The following DCBLD2 variants were observed in gnomAD, a reference collection of about 807,000 sequenced individuals.
DCBLD2 encodes the protein discoidin, CUB and LCCL domain-containing protein 2.
DCBLD2 carries 54 observed loss-of-function variants against 86.8 expected under a neutral mutation model. The ratio of observed to expected loss-of-function variants is 0.62; its 90% CI spans 0.50 to 0.78. The LOEUF is 0.78. Ranked by LOEUF, DCBLD2 falls within the 30% of genes least tolerant of loss-of-function variation. DCBLD2 has a pLI of 0.00. For synonymous variants in DCBLD2, 354 were observed against 341.3 expected (o/e 1.04, Z -0.41); for missense variants, 908 against 954.2 (o/e 0.95, Z 0.64).
intron 3 of DCBLD2, among the ~76,000 whole-genome samples, chr3:98,831,737 T>C (rs1210139523): frequency 2.0e-5 from 3 of 151,550 alleles, no homozygotes; most frequent in Admixed American, 6.6e-5. Context: ...AGCATTTCCA[T>C]GTAATTGCAT....
chr3:98,867,921 G>T (rs1285473931), intron 2 of DCBLD2, among the ~76,000 whole-genome samples: 1 of 151,772 alleles, frequency 6.6e-6, no homozygotes, highest in East Asian at 1.9e-4. Flanking sequence ...TCCTGCCTCA[G>T]CCTCCTGCAT....
rs1471692953 is a variant in DCBLD2, at chr3:98,797,475, A to G, written c.*1897T>C. 1 of 152,624 alleles carries G rather than the reference A, an allele frequency of 6.6e-6. No individual in the cohort carries two copies. Among genetic ancestry groups the G allele is most frequent in the Admixed American group, 6.5e-5 (1 of 15,282 alleles). 9.5% of individuals were successfully genotyped at this position (152,624 alleles called of 1,614,324 possible). A position where few individuals can be genotyped will look rare whatever the true frequency, so the allele number is the denominator to read the frequency against. Reference sequence around the variant, plus strand: ...CTGTGTACTAAGGATGAATTAAAAAATCAACTGGTTTGCTCTCTTCCCACC... The same window carrying G: ...CTGTGTACTAAGGATGAATTAAAAAGTCAACTGGTTTGCTCTCTTCCCACC... On this transcript the variant is annotated 3_prime_UTR_variant, in exon 16 of 16. Coordinates refer to ENST00000326840, the MANE Select transcript of DCBLD2 (RefSeq NM_080927.4).
chr3:98,836,612 A>G (rs1576171324), intron 3 of DCBLD2, among the ~76,000 whole-genome samples: 1 of 140,414 alleles, frequency 7.1e-6, no homozygotes, highest in Non-Finnish European at 1.6e-5. Flanking sequence ...TGTTGGGCAC[A>G]CCTCCCAGAC....
chr3:98,901,379 C>A lies in DCBLD2; in HGVS notation c.-53G>T, dbSNP rs1321613296. ...GTGCGGGTGCCTCGGCAGCCCCGCG[C>A]GCCTCTGGCCGCGGCACCCGACCAG... On this transcript the variant is annotated 5_prime_UTR_variant, in exon 1 of 16. Transcript: ENST00000326840. The A allele has an allele frequency of 2.4e-6, 3 of 1,265,200 alleles. No individual in the cohort carries two copies. Among genetic ancestry groups the A allele is most frequent in the Non-Finnish European group, 3.0e-6 (3 of 1,011,292 alleles). The allele number at this position is 1,265,200 out of a possible 1,614,324, so 78.4% of individuals were successfully genotyped here.
intron 10 of DCBLD2, 97 bp from the exon 11 acceptor site, chr3:98,811,651 TAATTCTGCAG>T: frequency 8.8e-7 from 1 of 1,131,972 alleles, no homozygotes; most frequent in Non-Finnish European, 1.2e-6. Flanking sequence ...CTAAAGTATT[TAATTCTGCAG>T]AATAATTTTA....
chr3:98,811,316 C>G lies in DCBLD2; in HGVS notation c.1454G>C (p.Arg485Pro), dbSNP rs201058660. The change falls in exon 12 of 16, where the codon CGT becomes CCT. Residue 485 changes from arginine (R) to proline (P), a missense_variant. Transcript: ENST00000326840. ...TTAPPKIAKG[R>P]APKFTQPLQP... ...TAGTGGTTGCGTAAATTTTGGGGCACGACCTTTAAAAAAGTTTCAAAAGCT... is the reference window on the plus strand; with the variant it reads ...TAGTGGTTGCGTAAATTTTGGGGCAGGACCTTTAAAAAAGTTTCAAAAGCT... 1.1e-5 allele frequency: 17 copies of G among 1,610,516 alleles called. No individual in the cohort carries two copies. Among genetic ancestry groups the G allele is most frequent in the Non-Finnish European group, 1.4e-5 (17 of 1,178,822 alleles).
At chr3:98,823,644 G>GAAAAA (rs1942162626) in intron 4 of DCBLD2, among the ~76,000 whole-genome samples, 1 of 151,950 alleles carries the variant, frequency 6.6e-6, no homozygotes, top group African/African-American at 2.4e-5. Flanking sequence ...CTGCTATGAA[G>GAAAAA]TCATGCTGAA....
At chr3:98,822,112 C>G in intron 6 of DCBLD2, 116 bp downstream of exon 6, 2 of 1,272,092 alleles carry the variant, frequency 1.6e-6, no homozygotes, top group Non-Finnish European at 2.3e-6. Flanking sequence ...CCTAAATGTT[C>G]TTTCATGAAC....
chr3:98,819,317 G>A lies in DCBLD2; in HGVS notation c.972C>T (p.Asn324=), dbSNP rs1942076854. 1 of 1,613,792 alleles carries A rather than the reference G, an allele frequency of 6.2e-7. No individual in the cohort carries two copies. Among genetic ancestry groups the A allele is most frequent in the Non-Finnish European group, 8.5e-7 (1 of 1,179,818 alleles). Reference sequence around the variant, plus strand: ...GCCTGGCTTTTTTGGGTTTCCAACTGTTCTCTTGCCCTGTGTGGTCAGTCC... The same window carrying A: ...GCCTGGCTTTTTTGGGTTTCCAACTATTCTCTTGCCCTGTGTGGTCAGTCC... ...LEWTDHTGQE[N]SWKPKKARLK... The change falls in exon 8 of 16, where the codon AAC becomes AAT. Residue 324 remains asparagine (N), a synonymous_variant. Coordinates refer to ENST00000326840, the MANE Select transcript of DCBLD2 (RefSeq NM_080927.4).
intron 3 of DCBLD2, among the ~76,000 whole-genome samples, chr3:98,825,665 A>ATATATATATG (rs1942205724): frequency 1.4e-5 from 2 of 142,184 alleles, no homozygotes; most frequent in Non-Finnish European, 3.1e-5. Context: ...ATATATATAT[A>ATATATATATG]TATATATATA....
At chr3:98,848,130 CCCTCCCAA>C (rs957224017) in intron 3 of DCBLD2, among the ~76,000 whole-genome samples, 5 of 152,106 alleles carry the variant, frequency 3.3e-5, no homozygotes, top group African/African-American at 1.2e-4. Flanking sequence ...CCACCTCCCA[CCCTCCCAA>C]AAGCCCCAGT....
At chr3:98,879,203 T>G (rs1056702090) in intron 2 of DCBLD2, among the ~76,000 whole-genome samples, 1 of 152,214 alleles carries the variant, frequency 6.6e-6, no homozygotes, top group Non-Finnish European at 1.5e-5. Context: ...TCAGCTTCAC[T>G]AATGTGCCCT....
At chr3:98,896,875 A>G (rs1353530773) in intron 1 of DCBLD2, among the ~76,000 whole-genome samples, 1 of 152,158 alleles carries the variant, frequency 6.6e-6, no homozygotes, top group East Asian at 1.9e-4. Flanking sequence ...TTGGGTCATC[A>G]TTCCATATCC....
chr3:98,820,962 G>A (rs1481432861), intron 6 of DCBLD2: 3 of 138,912 alleles, frequency 2.2e-5, no homozygotes, highest in African/African-American at 8.0e-5. Context: ...GAATGAAAGG[G>A]TCTGCATAAA....
intron 2 of DCBLD2, among the ~76,000 whole-genome samples, chr3:98,850,639 T>A (rs1164181244): frequency 2.0e-5 from 3 of 152,246 alleles, no homozygotes; most frequent in Admixed American, 2.0e-4. Context: ...AAAAATGTTT[T>A]AAGCTATGGC....
At chr3:98,900,061 G>C (rs1372360265) in intron 1 of DCBLD2, among the ~76,000 whole-genome samples, 1 of 152,060 alleles carries the variant, frequency 6.6e-6, no homozygotes, top group African/African-American at 2.4e-5. Flanking sequence ...AGATGTAAGG[G>C]GTCAGTTTGC....
intron 2 of DCBLD2, among the ~76,000 whole-genome samples, chr3:98,856,642 T>C (rs143513144): frequency 1.3e-5 from 2 of 152,124 alleles, no homozygotes; most frequent in South Asian, 2.1e-4. Flanking sequence ...ATTTGGGATA[T>C]GATAAAACAT....
chr3:98,838,712 T>A (rs1226775255), intron 3 of DCBLD2, among the ~76,000 whole-genome samples: 3 of 151,964 alleles, frequency 2.0e-5, no homozygotes, highest in African/African-American at 7.3e-5. Context: ...GAGGTGTAGG[T>A]TGTAGCGAGC....
At chr3:98,882,139 T>C (rs1316724790) in intron 1 of DCBLD2, among the ~76,000 whole-genome samples, 1 of 152,208 alleles carries the variant, frequency 6.6e-6, no homozygotes, top group East Asian at 1.9e-4. Context: ...TTGTTCTTAG[T>C]ATATCTATTC....
Sources: allele counts gnomAD v4.1 joint callset (sites outside exome capture counted in the v4.1 genomes callset), GRCh38; gene constraint gnomAD v4.1.1; transcripts MANE v1.5; gene names NCBI Gene and HGNC (gene_info 2026-07-23, HGNC 2026-07-21).